SLC45A3: variants seen among roughly 807,000 people sequenced by gnomAD.
The protein encoded by SLC45A3 is solute carrier family 45 member 3.
Under a neutral mutation model 35.3 loss-of-function variants are expected in SLC45A3, and 17 were observed. The observed-to-expected ratio is 0.48, with a 90% CI of 0.33 to 0.72. The LOEUF is 0.72. SLC45A3 is among the 30% of genes least tolerant of loss of function. SLC45A3 has a pLI of 0.02. For synonymous variants in SLC45A3, 288 were observed against 334.3 expected, an observed-to-expected ratio of 0.86 and a Z score of 1.51; for missense variants, 597 against 731.7, an observed-to-expected ratio of 0.82 and a Z score of 2.12.
chr1:205,673,070 C>T (rs1671245839), intron 1 of SLC45A3, among the ~76,000 whole-genome samples: 2 of 152,184 alleles, frequency 1.3e-5, no homozygotes, highest in African/African-American at 4.8e-5. Flanking sequence ...CCATCCTTCA[C>T]CTGCCCACAC....
chr1:205,674,365 T>A (rs1465230855), intron 1 of SLC45A3, among the ~76,000 whole-genome samples: 1 of 152,120 alleles, frequency 6.6e-6, no homozygotes, highest in Non-Finnish European at 1.5e-5. Flanking sequence ...GGGAGGCGTA[T>A]GACTTGAGGT....
At chr1:205,671,333 C>T (rs1172047046) in intron 1 of SLC45A3, among the ~76,000 whole-genome samples, 1 of 152,230 alleles carries the variant, frequency 6.6e-6, no homozygotes, top group Non-Finnish European at 1.5e-5. Flanking sequence ...CAAGGTCACA[C>T]TGGGCATGCC....
Position 205,663,415 on chromosome 1 carries a change from T to G in SLC45A3, c.376A>C (p.Ile126Leu). Residue 126 changes from isoleucine to leucine, a missense_variant, in exon 3 of 5, where the codon ATC becomes CTC. Around this residue, in one of 3 missense-constraint regions of SLC45A3, gnomAD observed 555 missense variants for 664.9 expected, o/e 0.83. Coordinates refer to ENST00000367145, the MANE Select transcript of SLC45A3 (RefSeq NM_033102.3). ...AAGTCCAGCAGCCCCACGCCCAGGA[T>G]GAGCAGTGCCAGCTCCAGGGGCCTG... ...DPRPLELALLILGVGLLDFCG... is the reference protein window; with the variant it reads ...DPRPLELALLLLGVGLLDFCG... The G allele has an allele frequency of 6.2e-7, 1 of 1,613,132 alleles. No individual in the cohort carries two copies. The highest frequency in any genetic ancestry group is 8.5e-7 in the Non-Finnish European group (1 of 1,179,886).
In SLC45A3 at chr1:205,663,307, A is replaced by AAGGCCTGACAT; in HGVS notation, c.483_484insATGTCAGGCCT (p.Ser162MetfsTer10). 1 of 1,613,428 alleles carries AAGGCCTGACAT rather than the reference A, an allele frequency of 6.2e-7. No homozygotes were observed. The highest frequency in any genetic ancestry group is 8.5e-7 in the Non-Finnish European group (1 of 1,180,024). On this transcript the variant is annotated frameshift_variant, in exon 3 of 5. Transcript: ENST00000367145. LOFTEE classifies it high-confidence loss of function. Reference sequence around the variant, plus strand: ...AGACTGATCATGAAGGCATAGACAGAGTAGGCCTGGCGACAGTGGTCCGGG... The same window carrying AAGGCCTGACAT: ...AGACTGATCATGAAGGCATAGACAGAAGGCCTGACATGTAGGCCTGGCGACAGTGGTCCGGG...
In SLC45A3 at chr1:205,669,374, G is replaced by C. The variant is rs967599851; in HGVS notation, c.-230-4488C>G. 6.6e-6 allele frequency among the ~76,000 whole-genome samples: 1 copy of C among 152,294 alleles called. No homozygotes were observed. The highest frequency in any genetic ancestry group is 1.5e-5 in the Non-Finnish European group (1 of 68,016). The stretch of plus-strand genomic sequence containing the variant: ...GGCAGAGAAGGAGGAAAGCTGACCC[G>C]AGCCCACTCCCTGGTAGCTCCCTAA... On this transcript the variant is annotated intron_variant, in intron 1 of 4. Transcript: ENST00000367145. This position sits in a 1 kb window ranked among gnomAD's most constrained non-coding sequence, Gnocchi z 4.1.
chr1:205,660,746 C>T (rs1021664436), intron 4 of SLC45A3, among the ~76,000 whole-genome samples: 3 of 152,056 alleles, frequency 2.0e-5, no homozygotes, highest in African/African-American at 4.8e-5. Flanking sequence ...TTCCCTGGCA[C>T]GACAGCACAT....
intron 2 of SLC45A3, among the ~76,000 whole-genome samples, chr1:205,663,918 C>T (rs183119513): frequency 7.2e-5 from 11 of 152,184 alleles, no homozygotes; most frequent in Non-Finnish European, 1.3e-4. Flanking sequence ...GCAATCCTCA[C>T]AGGGGCCCCT....
chr1:205,675,992 C>T (rs1671307896), intron 1 of SLC45A3, among the ~76,000 whole-genome samples: 1 of 152,184 alleles, frequency 6.6e-6, no homozygotes, highest in Non-Finnish European at 1.5e-5. Context: ...GAAGCACAGG[C>T]CCTGAGAAGA....
At chr1:205,673,485 C>G (rs1671251288) in intron 1 of SLC45A3, among the ~76,000 whole-genome samples, 1 of 152,230 alleles carries the variant, frequency 6.6e-6, no homozygotes, top group Admixed American at 6.5e-5. Context: ...CCATGTACAG[C>G]CAATCCTAGT....
intron 1 of SLC45A3, among the ~76,000 whole-genome samples, chr1:205,676,396 A>G (rs1362282036): frequency 6.6e-6 from 1 of 152,028 alleles, no homozygotes; most frequent in Non-Finnish European, 1.5e-5. Flanking sequence ...TGGCCTCCAA[A>G]CCCCTTCTTG....
chr1:205,678,474 G>A (rs1356366721), intron 1 of SLC45A3, among the ~76,000 whole-genome samples: 2 of 152,034 alleles, frequency 1.3e-5, no homozygotes, highest in Non-Finnish European at 2.9e-5. Flanking sequence ...CTGGGTAAGG[G>A]GAGAGCTGGA....
chr1:205,665,172 T>C (rs1357844584), intron 1 of SLC45A3, among the ~76,000 whole-genome samples: 1 of 152,226 alleles, frequency 6.6e-6, no homozygotes, highest in East Asian at 1.9e-4. Context: ...CCCTTCCCTG[T>C]TAGTATTGGG....
In SLC45A3 at chr1:205,663,607, C is replaced by T. The variant is rs996081300; in HGVS notation, c.184G>A (p.Val62Met). Reference sequence around the variant, plus strand: ...AGCGGGACACAGACCAGGCCCAGCACTGGACCAATGCCTGCAAGAAGGGAA... The same window carrying T: ...AGCGGGACACAGACCAGGCCCAGCATTGGACCAATGCCTGCAAGAAGGGAA... ...FMTMVLGIGP[V>M]LGLVCVPLLG... is the part of the protein sequence containing the mutation. Residue 62 changes from valine (V) to methionine (M), a missense_variant, in exon 3 of 5, where the codon GTG (valine) becomes ATG (methionine). Physicochemically the swap from Val to Met is conservative, Grantham distance 21. Around this residue, in one of 3 missense-constraint regions of SLC45A3, gnomAD observed 555 missense variants for 664.9 expected, o/e 0.83. Coordinates refer to ENST00000367145, the MANE Select transcript of SLC45A3 (RefSeq NM_033102.3). 1.3e-6 allele frequency: 2 copies of T among 1,583,826 alleles called. No homozygotes were observed. The highest frequency in any genetic ancestry group is 1.4e-5 in the African/African-American group (1 of 74,050).
intron 1 of SLC45A3, among the ~76,000 whole-genome samples, chr1:205,679,369 G>A (rs571978668): frequency 6.6e-6 from 1 of 152,272 alleles, no homozygotes; most frequent in East Asian, 1.9e-4. Flanking sequence ...TGTCTGTCAG[G>A]AAGATGGAGG....
At chr1:205,676,209 AACTCAAAGTAC>A (rs2102410572) in intron 1 of SLC45A3, among the ~76,000 whole-genome samples, 1 of 152,308 alleles carries the variant, frequency 6.6e-6, no homozygotes, top group Admixed American at 6.5e-5. Flanking sequence ...ACTATTTGCC[AACTCAAAGTAC>A]ACTTGAGATT....
intron 1 of SLC45A3, among the ~76,000 whole-genome samples, chr1:205,672,858 C>G (rs530088707): frequency 8.5e-5 from 13 of 152,296 alleles, no homozygotes; most frequent in Middle Eastern, 3.4e-3. Flanking sequence ...ACATGCACCC[C>G]CTACCCCCGG....
At position 205,662,056 on chromosome 1, in the gene SLC45A3, G is replaced by T; in HGVS notation, c.1029C>A (p.Asp343Glu). 1 of 1,614,144 alleles carries T rather than the reference G, an allele frequency of 6.2e-7. No homozygotes were observed. Among genetic ancestry groups the T allele is most frequent in the Non-Finnish European group, 8.5e-7 (1 of 1,180,038 alleles). Reference protein sequence around the residue: ...AISLVFSLVMDRLVQRFGTRA... With the variant: ...AISLVFSLVMERLVQRFGTRA... ...GAGTGCCGAATCGCTGCACCAGCCG[G>T]TCCATGACCAGAGAGAAGACCAGGG... Residue 343 changes from aspartate to glutamate, a missense_variant, in exon 4 of 5, where the codon GAC (aspartate) becomes GAA (glutamate). Physicochemically the swap from Asp to Glu is conservative, Grantham distance 45. Coordinates refer to ENST00000367145, the MANE Select transcript of SLC45A3 (RefSeq NM_033102.3). This position sits in a 1 kb window ranked among gnomAD's most constrained non-coding sequence, Gnocchi z 6.2.
At chr1:205,676,086 G>T (rs1321991316) in intron 1 of SLC45A3, among the ~76,000 whole-genome samples, 1 of 152,200 alleles carries the variant, frequency 6.6e-6, no homozygotes, top group Non-Finnish European at 1.5e-5. Context: ...CTGGGATCCA[G>T]GCAGGGCCAC....
chr1:205,672,961 A>C (rs979499168), intron 1 of SLC45A3, among the ~76,000 whole-genome samples: 9 of 152,198 alleles, frequency 5.9e-5, no homozygotes, highest in Admixed American at 5.9e-4. Context: ...CTTGTGAAAT[A>C]GGAATATAAA....
Sources: gnomAD v4.1 joint callset for allele counts (sites outside exome capture counted in the v4.1 genomes callset) on GRCh38, gnomAD v4.1.1 for gene constraint, gnomAD v4.1.1 regional missense constraint, Gnocchi (gnomAD v3.1) non-coding constraint, MANE v1.5 for transcripts, NCBI Gene and HGNC (gene_info 2026-07-23, HGNC 2026-07-21) for gene names.